Variants in SLIT1 observed in about 807,000 individuals in gnomAD.
SLIT1 encodes slit guidance ligand 1.
A neutral mutation model predicts 186.1 loss-of-function variants in SLIT1; 66 were observed. The observed-to-expected ratio is 0.35, with a 90% CI of 0.29 to 0.44. The LOEUF is 0.44. Ranked by LOEUF, SLIT1 falls within the 20% of genes least tolerant of loss-of-function variation. The pLI, the probability that SLIT1 is intolerant of heterozygous loss-of-function variation, is 1.00. For missense variants in SLIT1, 1,638 were observed against 2,037.4 expected (o/e 0.80, Z 3.77); for synonymous variants, 761 against 833.8 (o/e 0.91, Z 1.50).
Position 97,047,748 on chromosome 10 carries a change from A to C in SLIT1, c.1576T>G (p.Cys526Gly). Residue 526 changes from cysteine to glycine, a missense_variant, in exon 16 of 37, where the codon TGC becomes GGC. Physicochemically the swap from Cys to Gly is radical, Grantham distance 159 (BLOSUM62 -3). Around this residue, in one of 3 missense-constraint regions of SLIT1, gnomAD observed 1,245 missense variants for 1,535.3 expected, o/e 0.81. Transcript: ENST00000266058. ...ATCTTGGTGAGCTTCAGGCTGGAGC[A>C]CTCCACCACGTTGGCCTCACAGCGG... ...KCRCEANVVE[C>G]SSLKLTKIPE... The C allele has an allele frequency of 6.2e-7, 1 of 1,613,840 alleles. No homozygotes were observed. The highest frequency in any genetic ancestry group is 8.5e-7 in the Non-Finnish European group (1 of 1,179,986).
intron 3 of SLIT1, among the ~76,000 whole-genome samples, chr10:97,159,106 T>C (rs922415880): frequency 1.3e-5 from 2 of 152,168 alleles, no homozygotes; most frequent in Non-Finnish European, 2.9e-5. Context: ...AAATCCCCCA[T>C]GGATACCAAG....
At position 97,118,111 on chromosome 10, in the gene SLIT1, C is replaced by T. The variant is rs564195208; in HGVS notation, c.413+39707G>A. On this transcript the variant is annotated intron_variant, in intron 4 of 36. Coordinates refer to ENST00000266058, the MANE Select transcript of SLIT1 (RefSeq NM_003061.3). ...AATTGAGACGTTCTGAGGTGTCTGG[C>T]CCCATCACAGTACGCTCACATTTCC... is the stretch of plus-strand genomic sequence containing the variant. Among the ~76,000 whole-genome samples, 4 of 152,222 alleles carry T rather than the reference C, an allele frequency of 2.6e-5. No homozygotes were observed. The East Asian group carries it at 5.8e-4, about 22-fold the overall frequency.
In SLIT1 at chr10:97,064,276, C is replaced by A. The variant is rs1415666264; in HGVS notation, c.558-37G>T. The A allele has an allele frequency of 7.6e-6, 12 of 1,571,650 alleles. No individual in the cohort carries two copies. The African/African-American group carries it at 1.2e-4, about 16-fold the overall frequency. On this transcript the variant is annotated intron_variant, in intron 6 of 36. Transcript: ENST00000266058. ...AAACCAGAGTCATTTAGCACCTGCC[C>A]AGCAGGAGATGATGTGGGACAGGGC...
At chr10:97,175,678 C>A (rs1250739529) in intron 1 of SLIT1, among the ~76,000 whole-genome samples, 1 of 152,176 alleles carries the variant, frequency 6.6e-6, no homozygotes, top group African/African-American at 2.4e-5. Context: ...CCCTGCCTTG[C>A]TCTTGCCAAT....
intron 4 of SLIT1, among the ~76,000 whole-genome samples, chr10:97,073,263 G>A (rs150876941): frequency 4.6e-4 from 70 of 152,238 alleles, no homozygotes; most frequent in African/African-American, 1.5e-3. Flanking sequence ...TCAGTTTTCC[G>A]GGAGCTCTGG....
intron 21 of SLIT1, among the ~76,000 whole-genome samples, chr10:97,039,701 G>A (rs770698334): frequency 1.3e-4 from 20 of 152,232 alleles, no homozygotes; most frequent in Non-Finnish European, 2.6e-4. Flanking sequence ...AATGACAGGC[G>A]GGAAAGCAAG....
intron 4 of SLIT1, among the ~76,000 whole-genome samples, chr10:97,074,040 C>T (rs1275614122): frequency 6.6e-6 from 1 of 152,136 alleles, no homozygotes; most frequent in Non-Finnish European, 1.5e-5. Context: ...GAGCCTGAGT[C>T]AGCTGCTCTA....
intron 1 of SLIT1, among the ~76,000 whole-genome samples, chr10:97,166,557 A>AGGAAGGAAAG (rs1283710320): frequency 4.7e-4 from 26 of 55,202 alleles, no homozygotes; most frequent in East Asian, 4.2e-3. Flanking sequence ...GAAGGAAGGA[A>AGGAAGGAAAG]AGAGAGAGAG....
chr10:97,074,406 C>T (rs1251437122), intron 4 of SLIT1, among the ~76,000 whole-genome samples: 1 of 152,228 alleles, frequency 6.6e-6, no homozygotes, highest in African/African-American at 2.4e-5. Context: ...AGCTCCCCAC[C>T]TATGCTGCGG....
chr10:97,023,920 C>T (rs752301994), intron 25 of SLIT1, among the ~76,000 whole-genome samples: 15 of 149,572 alleles, frequency 1.0e-4, no homozygotes, highest in African/African-American at 2.7e-4. Context: ...CCAGCCTGGG[C>T]GACAAGACTG....
intron 13 of SLIT1, 49 bp from the exon 14 acceptor site, chr10:97,049,167 G>A (rs372942602): frequency 3.5e-5 from 56 of 1,581,360 alleles, no homozygotes; most frequent in South Asian, 1.7e-4. Context: ...CTGCAAACCC[G>A]CGCTGACCTC....
chr10:97,008,852 T>C (rs1223903966), intron 31 of SLIT1, among the ~76,000 whole-genome samples: 1 of 151,256 alleles, frequency 6.6e-6, no homozygotes, highest in Non-Finnish European at 1.5e-5. Context: ...AACAATCTTT[T>C]TTTATTTTTT....
At chr10:97,110,046 T>G (rs1296324599) in intron 4 of SLIT1, among the ~76,000 whole-genome samples, 20 of 152,202 alleles carry the variant, frequency 1.3e-4, no homozygotes, top group Non-Finnish European at 1.5e-5. Flanking sequence ...ATTGACCCAC[T>G]GTCCACCCAA....
intron 4 of SLIT1, among the ~76,000 whole-genome samples, chr10:97,110,262 A>G (rs1849452609): frequency 6.6e-6 from 1 of 152,136 alleles, no homozygotes; most frequent in Non-Finnish European, 1.5e-5. Context: ...ACATTTGCAA[A>G]ATGATTTGCT....
At chr10:97,065,504 C>A (rs1848936735) in intron 5 of SLIT1, 2 of 158,590 alleles carry the variant, frequency 1.3e-5, no homozygotes, top group African/African-American at 4.8e-5. Flanking sequence ...TAAGCCATTA[C>A]ATTTAAATAG....
At chr10:97,164,027 T>C (rs1418074315) in intron 2 of SLIT1, among the ~76,000 whole-genome samples, 1 of 152,170 alleles carries the variant, frequency 6.6e-6, no homozygotes, top group Non-Finnish European at 1.5e-5. Context: ...CCCCATCTGC[T>C]GAAGAAAAGA....
intron 2 of SLIT1, among the ~76,000 whole-genome samples, chr10:97,164,517 T>C (rs934641430): frequency 1.3e-4 from 20 of 152,172 alleles, no homozygotes; most frequent in African/African-American, 4.8e-4. Context: ...TCAGAGACGA[T>C]TGGTCACGAG....
chr10:97,144,584 C>T (rs1849797744), intron 4 of SLIT1, among the ~76,000 whole-genome samples: 2 of 152,154 alleles, frequency 1.3e-5, no homozygotes, highest in Admixed American at 1.3e-4. Context: ...AGCTCTGTCC[C>T]CCACAGAGAA....
intron 4 of SLIT1, among the ~76,000 whole-genome samples, chr10:97,107,053 A>G (rs12256938): frequency 0.29 from 43,587 of 152,246 alleles, 6,889 homozygotes; most frequent in African/African-American, 0.43. Context: ...GCTATCAGTC[A>G]CAATGCAAGA....
Sources: allele counts gnomAD v4.1 joint callset (sites outside exome capture counted in the v4.1 genomes callset), GRCh38; gene constraint gnomAD v4.1.1; regional missense constraint gnomAD v4.1.1; transcripts MANE v1.5; gene names NCBI Gene and HGNC (gene_info 2026-07-23, HGNC 2026-07-21).